The following DZIP3 variants were observed in gnomAD, a reference collection of about 807,000 sequenced individuals.
DZIP3 encodes the protein DAZ interacting zinc finger protein 3.
Under a neutral mutation model 162.0 loss-of-function variants are expected in DZIP3, and 118 were observed. The observed-to-expected ratio is 0.73, with a 90% CI of 0.63 to 0.85. DZIP3 has a LOEUF of 0.85. DZIP3 is among the 40% of genes least tolerant of loss of function. The probability of loss-of-function intolerance (pLI) is 0.00; values close to 1 mark genes in which losing one functional copy is unlikely to be tolerated. For missense variants in DZIP3, 1,331 were observed against 1,407.0 expected, an observed-to-expected ratio of 0.95 and a Z score of 0.86; for synonymous variants, 438 against 458.6, an observed-to-expected ratio of 0.96 and a Z score of 0.57.
chr3:108,620,860 C>T (rs1483469993), intron 5 of DZIP3, among the ~76,000 whole-genome samples: 1 of 152,142 alleles, frequency 6.6e-6, no homozygotes, highest in East Asian at 1.9e-4. Flanking sequence ...CTCACTCTGT[C>T]ACCCAGGCTG....
In DZIP3 at chr3:108,674,144, C is replaced by G. The variant is rs1231933270; in HGVS notation, c.2656C>G (p.Leu886Val). Reference sequence around the variant, plus strand: ...TCTAGAGCAGACTGAAAAGGAATGTCTCAATCAGCTTGCCAGGGTGACTCA... The same window carrying G: ...TCTAGAGCAGACTGAAAAGGAATGTGTCAATCAGCTTGCCAGGGTGACTCA... ...LHLEQTEKEC[L>V]NQLARVTHMA... The change falls in exon 24 of 33, where the codon CTC becomes GTC. Residue 886 changes from leucine to valine, a missense_variant. Leu to Val is a conservative substitution (Grantham distance 32). Around this residue, in one of 2 missense-constraint regions of DZIP3, gnomAD observed 1,278 missense variants for 1,317.1 expected, o/e 0.97. Transcript: ENST00000361582. The G allele has an allele frequency of 2.5e-6, 4 of 1,612,254 alleles. No individual in the cohort carries two copies. In the East Asian group the frequency reaches 6.7e-5, roughly 27 times the overall value.
intron 5 of DZIP3, among the ~76,000 whole-genome samples, chr3:108,623,872 T>C (rs187553797): frequency 1.2e-3 from 182 of 152,294 alleles, no homozygotes; most frequent in African/African-American, 4.2e-3. Flanking sequence ...CCGTGATCAC[T>C]GACTGAGTTC....
At position 108,642,501 on chromosome 3, in the gene DZIP3, A is replaced by G; in HGVS notation, c.1128A>G (p.Lys376=). ...DTDIRPKISL[K]FNTKDEMPIF... ...ATATAAGACCGAAGATCAGTTTAAA[A>G]TTTAATACAAAAGGTATTATTTTAT... is the stretch of plus-strand genomic sequence containing the variant. Residue 376 remains lysine, a synonymous_variant, in exon 13 of 33, where the codon AAA becomes AAG. Transcript: ENST00000361582. The G allele has an allele frequency of 1.4e-6, 2 of 1,471,858 alleles. No homozygotes were observed. The highest frequency in any genetic ancestry group is 1.8e-6 in the Non-Finnish European group (2 of 1,089,396). The allele number at this position is 1,471,858 out of a possible 1,614,324, so 91.2% of individuals were successfully genotyped here.
chr3:108,659,787 A>C (rs1293028069), intron 19 of DZIP3, among the ~76,000 whole-genome samples: 6 of 152,250 alleles, frequency 3.9e-5, no homozygotes, highest in African/African-American at 1.4e-4. Context: ...AACTTCAGCA[A>C]AGTCTCAGGA....
chr3:108,630,938 A>G (rs1941806311), intron 8 of DZIP3, among the ~76,000 whole-genome samples: 1 of 150,752 alleles, frequency 6.6e-6, no homozygotes, highest in South Asian at 2.1e-4. Flanking sequence ...TATTTAAAAC[A>G]TATCTCCAGG....
chr3:108,636,727 C>A lies in DZIP3; in HGVS notation c.1011+19C>A. 1 of 1,332,956 alleles carries A rather than the reference C, an allele frequency of 7.5e-7. No homozygotes were observed. Among genetic ancestry groups the A allele is most frequent in the South Asian group, 1.4e-5 (1 of 72,412 alleles). The allele number at this position is 1,332,956 out of a possible 1,614,324, so 82.6% of individuals were successfully genotyped here. A position where few individuals can be genotyped will look rare whatever the true frequency, so the allele number is the denominator to read the frequency against. On this transcript the variant is annotated intron_variant, in intron 11 of 32. Transcript: ENST00000361582. ...AATTTTGGTGAGTATCTTGTTTTGT[C>A]CTTTTTTTTTTTTCTTGCTTTCCTT...
At position 108,629,076 on chromosome 3, in the gene DZIP3, T is replaced by C. The variant is rs1485650017; in HGVS notation, c.596T>C (p.Leu199Pro). 3.1e-6 allele frequency: 5 copies of C among 1,599,590 alleles called. No homozygotes were observed. Among genetic ancestry groups the C allele is most frequent in the Non-Finnish European group, 4.3e-6 (5 of 1,174,132 alleles). The change falls in exon 8 of 33, where the codon CTG becomes CCG. Residue 199 changes from leucine (L) to proline (P), a missense_variant. Leu to Pro is a moderately conservative substitution (Grantham distance 98, BLOSUM62 -3). Transcript: ENST00000361582. ...ATGCCTTTCAGATATAATGGAGGAC[T>C]GCTAGAATTTCATAAAAGCTTACAA... is the stretch of plus-strand genomic sequence containing the variant. Reference protein sequence around the residue: ...RCAQKRYNGGLLEFHKSLQEI... With the variant: ...RCAQKRYNGGPLEFHKSLQEI...
chr3:108,639,843 GA>G (rs764348603), intron 12 of DZIP3, among the ~76,000 whole-genome samples: 1 of 150,832 alleles, frequency 6.6e-6, no homozygotes, highest in African/African-American at 2.4e-5. Context: ...AATTTGCTTT[GA>G]TTTTTTTTTA....
chr3:108,646,649 C>A lies in DZIP3; in HGVS notation c.1792C>A (p.Arg598Ser). 6.4e-7 allele frequency: 1 copy of A among 1,551,464 alleles called. No individual in the cohort carries two copies. Among genetic ancestry groups the A allele is most frequent in the Admixed American group, 2.2e-5 (1 of 45,532 alleles). ...IALQSITGSQRIEIEELQNEE... is the reference protein window; with the variant it reads ...IALQSITGSQSIEIEELQNEE... Reference sequence around the variant, plus strand: ...TCTACAGTCAATAACAGGCAGTCAGCGTAAGTATATTTAGAAATAAAATGT... The same window carrying A: ...TCTACAGTCAATAACAGGCAGTCAGAGTAAGTATATTTAGAAATAAAATGT... The change falls in exon 15 of 33, where the codon CGT becomes AGT. Residue 598 changes from arginine to serine, a missense_variant and splice_region_variant. Arg to Ser is a moderately radical substitution (Grantham distance 110). Around this residue, in one of 2 missense-constraint regions of DZIP3, gnomAD observed 1,278 missense variants for 1,317.1 expected, o/e 0.97. Coordinates refer to ENST00000361582, the MANE Select transcript of DZIP3 (RefSeq NM_014648.4).
intron 8 of DZIP3, among the ~76,000 whole-genome samples, chr3:108,631,055 A>ACACACACACACACACACACACACTCTCT: frequency 2.2e-4 from 4 of 18,012 alleles, no homozygotes; most frequent in African/African-American, 2.8e-4. Context: ...ACACACACAC[A>ACACACACACACACACACACACACTCTCT]CTCTCTCTCT....
chr3:108,690,235 A>C (rs931909276), intron 31 of DZIP3, among the ~76,000 whole-genome samples: 1 of 152,226 alleles, frequency 6.6e-6, no homozygotes, highest in African/African-American at 2.4e-5. Context: ...CTGGCCCTCC[A>C]TTATTTATAT....
intron 1 of DZIP3, 141 bp from the exon 2 acceptor site, chr3:108,605,194 A>G: frequency 1.7e-6 from 1 of 603,164 alleles, no homozygotes; most frequent in South Asian, 2.1e-5. Flanking sequence ...AGTAGTGATT[A>G]TGTTTGGGTG....
intron 32 of DZIP3, 121 bp downstream of exon 32, chr3:108,691,024 A>G: frequency 1.3e-6 from 1 of 751,626 alleles, no homozygotes; most frequent in East Asian, 2.8e-5. Flanking sequence ...TTATCAAAGC[A>G]GCAGCCAAAG....
At chr3:108,642,360 C>G (rs994308264) in intron 12 of DZIP3, 78 bp from the exon 13 acceptor site, 17 of 1,368,808 alleles carry the variant, frequency 1.2e-5, no homozygotes, top group Middle Eastern at 2.6e-4. Context: ...ACTCACTTAG[C>G]CATGCTCATA....
chr3:108,665,253 A>G (rs1423339872), intron 21 of DZIP3, among the ~76,000 whole-genome samples: 1 of 152,208 alleles, frequency 6.6e-6, no homozygotes, highest in Non-Finnish European at 1.5e-5. Context: ...AAAACCTAGA[A>G]TATCTCAGTA....
At chr3:108,662,378 C>T (rs766052725) in intron 21 of DZIP3, 121 bp downstream of exon 21, 18 of 1,210,070 alleles carry the variant, frequency 1.5e-5, no homozygotes, top group Middle Eastern at 2.4e-4. Context: ...CTCAACCACA[C>T]GACTGCACTT....
intron 9 of DZIP3, among the ~76,000 whole-genome samples, chr3:108,634,166 A>G (rs545931387): frequency 2.8e-4 from 43 of 152,256 alleles, no homozygotes; most frequent in African/African-American, 9.1e-4. Context: ...AGAATAAGAC[A>G]GGGATTGAAA....
At chr3:108,603,582 A>G (rs1405572892) in intron 1 of DZIP3, among the ~76,000 whole-genome samples, 1 of 152,170 alleles carries the variant, frequency 6.6e-6, no homozygotes. Context: ...TAATACAGCA[A>G]TGAAGTGTTT....
chr3:108,654,304 A>G lies in DZIP3; in HGVS notation c.2193A>G (p.Ile731Met), dbSNP rs1165074889. 1.2e-6 allele frequency: 2 copies of G among 1,613,596 alleles called. No homozygotes were observed. Among genetic ancestry groups the G allele is most frequent in the Non-Finnish European group, 1.7e-6 (2 of 1,179,602 alleles). ...SLDELHILDMIEQGSAGKVTT... is the reference protein window; with the variant it reads ...SLDELHILDMMEQGSAGKVTT... The stretch of plus-strand genomic sequence containing the variant: ...ATGAATTGCATATTCTGGACATGAT[A>G]GAGCAGGTAAGCATGATTAGAGAGG... Residue 731 changes from isoleucine (I) to methionine (M), a missense_variant, in exon 19 of 33, where the codon ATA (isoleucine) becomes ATG (methionine). Around this residue, in one of 2 missense-constraint regions of DZIP3, gnomAD observed 1,278 missense variants for 1,317.1 expected, o/e 0.97. Transcript: ENST00000361582.
Sources: allele counts gnomAD v4.1 joint callset (sites outside exome capture counted in the v4.1 genomes callset), GRCh38; gene constraint gnomAD v4.1.1; regional missense constraint gnomAD v4.1.1; transcripts MANE v1.5; gene names NCBI Gene and HGNC (gene_info 2026-07-23, HGNC 2026-07-21).